AARS1: variants seen among roughly 807,000 people sequenced by gnomAD.
AARS1 encodes alanine--tRNA ligase, cytoplasmic.
In AARS1, 72 loss-of-function variants were observed where a neutral mutation model predicts 108.9. The ratio of observed to expected loss-of-function variants is 0.66; its 90% confidence interval spans 0.55 to 0.80. AARS1 has a LOEUF of 0.80. Ranked by LOEUF, AARS1 falls within the 30% of genes least tolerant of loss-of-function variation. AARS1 has a pLI of 0.00. For missense variants in AARS1, 1,193 were observed against 1,233.2 expected, an observed-to-expected ratio of 0.97 and a Z score of 0.49; for synonymous variants, 489 against 465.7, an observed-to-expected ratio of 1.05 and a Z score of -0.64.
chr16:70,277,467 C>A (rs187694818), intron 2 of AARS1, among the ~76,000 whole-genome samples: 1 of 152,240 alleles, frequency 6.6e-6, no homozygotes, highest in East Asian at 1.9e-4. Context: ...CTTCACCAGT[C>A]TCTGAAGTTC....
chr16:70,264,178 G>A lies in AARS1; in HGVS notation c.1492+780C>T, dbSNP rs551826135. ...GGAGAATCGCTTGAACCCAGGAGGT[G>A]GAGGTTGCAGTGAGCCGAGATCACA... On this transcript the variant is annotated intron_variant, in intron 11 of 20. Transcript: ENST00000261772. 2.7e-4 allele frequency among the ~76,000 whole-genome samples: 41 copies of A among 149,752 alleles called. 2 individuals are homozygous for A. In the South Asian group the frequency reaches 7.7e-3, roughly 28 times the overall value.
chr16:70,270,234 T>C lies in AARS1; in HGVS notation c.778A>G (p.Thr260Ala), dbSNP rs1165867512. The change falls in exon 6 of 21, where the codon ACT (threonine) becomes GCT (alanine). Residue 260 changes from threonine to alanine, a missense_variant. Coordinates refer to ENST00000261772, the MANE Select transcript of AARS1 (RefSeq NM_001605.3). ...TCAAAGTAAGGGACAAAAAGGTCAG[T>C]GTCATAGTTGGACATCTTATTCTGC... Reference protein sequence around the residue: ...VLQNKMSNYDTDLFVPYFEAI... With the variant: ...VLQNKMSNYDADLFVPYFEAI... 2 of 1,614,170 alleles carry C rather than the reference T, an allele frequency of 1.2e-6. No individual in the cohort carries two copies. Among genetic ancestry groups the C allele is most frequent in the East Asian group, 2.2e-5 (1 of 44,880 alleles).
chr16:70,279,521 G>A (rs1039613457), intron 2 of AARS1, among the ~76,000 whole-genome samples: 14 of 151,646 alleles, frequency 9.2e-5, no homozygotes, highest in Non-Finnish European at 1.9e-4. Flanking sequence ...TTAGCCAGGT[G>A]TGGTGGCAGA....
chr16:70,267,558 C>T, intron 9 of AARS1, 101 bp downstream of exon 9: 1 of 1,444,618 alleles, frequency 6.9e-7, no homozygotes, highest in East Asian at 2.3e-5. Context: ...TATGTTCAGC[C>T]TCAGAGACAT....
intron 12 of AARS1, 174 bp from the exon 13 acceptor site, chr16:70,261,331 CAT>C (rs1313241321): frequency 1.6e-5 from 8 of 505,264 alleles, no homozygotes; most frequent in Non-Finnish European, 1.5e-5. Context: ...TGCAGTGGCT[CAT>C]GACTGTAATC....
intron 10 of AARS1, 190 bp downstream of exon 10, chr16:70,265,348 T>C: frequency 9.5e-7 from 1 of 1,054,768 alleles, no homozygotes; most frequent in South Asian, 1.3e-5. Context: ...GTTGTGAAAA[T>C]CAAAAATGTC....
At chr16:70,272,165 G>T (rs1249221354) in intron 4 of AARS1, among the ~76,000 whole-genome samples, 193 bp from the exon 5 acceptor site, 1 of 152,028 alleles carries the variant, frequency 6.6e-6, no homozygotes, top group East Asian at 1.9e-4. Flanking sequence ...TTTTAATGAA[G>T]AAGTTCCAAC....
intron 16 of AARS1, 83 bp downstream of exon 16, chr16:70,255,645 G>C (rs1404318301): frequency 8.1e-7 from 1 of 1,229,138 alleles, no homozygotes; most frequent in Non-Finnish European, 1.2e-6. Context: ...CAGCCACGCA[G>C]AGCAGTGTTT....
chr16:70,269,314 C>T (rs1960336340), intron 7 of AARS1, among the ~76,000 whole-genome samples: 1 of 75,128 alleles, frequency 1.3e-5, no homozygotes, highest in Non-Finnish European at 2.3e-5. Flanking sequence ...AAGCAAAATT[C>T]TGTCTCAGAA....
chr16:70,289,156 G>A (rs1186547215), intron 1 of AARS1, among the ~76,000 whole-genome samples: 3 of 151,728 alleles, frequency 2.0e-5, no homozygotes, highest in East Asian at 2.0e-4. Flanking sequence ...CGCCCCTAGG[G>A]GATTAAAACC....
At chr16:70,286,449 C>A (rs186947634) in intron 1 of AARS1, among the ~76,000 whole-genome samples, 24 of 151,294 alleles carry the variant, frequency 1.6e-4, no homozygotes, top group Non-Finnish European at 2.7e-4. Context: ...ATCACTTGGC[C>A]TTCCAGGCTC....
intron 2 of AARS1, among the ~76,000 whole-genome samples, chr16:70,277,758 C>CTTTTTT (rs573677725): frequency 7.3e-6 from 1 of 137,822 alleles, no homozygotes. Flanking sequence ...CCACTAGACA[C>CTTTTTT]TTTTTTTTTT....
In AARS1 at chr16:70,258,076, C is replaced by T. The variant is rs1960034258; in HGVS notation, c.2134G>A (p.Gly712Arg). Reference protein sequence around the residue: ...PVSELLDDPSGPAGSLTSVEF... With the variant: ...PVSELLDDPSRPAGSLTSVEF... ...ACAGAAGTCAGGGAGCCAGCAGGCC[C>T]AGAGGGGTCATCCAGCAACTCGGAC... The change falls in exon 15 of 21, where the codon GGG becomes AGG. Residue 712 changes from glycine (G) to arginine (R), a missense_variant. Coordinates refer to ENST00000261772, the MANE Select transcript of AARS1 (RefSeq NM_001605.3). The T allele has an allele frequency of 6.2e-7, 1 of 1,614,154 alleles. No homozygotes were observed. Among genetic ancestry groups the T allele is most frequent in the East Asian group, 2.2e-5 (1 of 44,878 alleles).
chr16:70,281,376 T>G lies in AARS1; in HGVS notation c.144+1244A>C, dbSNP rs150360461. On this transcript the variant is annotated intron_variant, in intron 2 of 20. Coordinates refer to ENST00000261772, the MANE Select transcript of AARS1 (RefSeq NM_001605.3). Reference sequence around the variant, plus strand: ...ACCCCCATCTCTGCATATAAATAAATAAATTTAGGCCAGGCAAGGTGGCTC... The same window carrying G: ...ACCCCCATCTCTGCATATAAATAAAGAAATTTAGGCCAGGCAAGGTGGCTC... Among the ~76,000 whole-genome samples the G allele has an allele frequency of 8.4e-3, 1,276 of 152,030 alleles. 7 individuals are homozygous for G. Among genetic ancestry groups the G allele is most frequent in the Middle Eastern group, 0.014 (4 of 294 alleles).
At chr16:70,253,233 C>A in intron 20 of AARS1, 35 bp downstream of exon 20, 1 of 1,539,292 alleles carries the variant, frequency 6.5e-7, no homozygotes, top group Non-Finnish European at 9.0e-7. Flanking sequence ...AACCTTAAGA[C>A]CTAACACTTC....
chr16:70,267,556 G>A (rs754419530), intron 9 of AARS1, 103 bp downstream of exon 9: 8 of 1,411,372 alleles, frequency 5.7e-6, no homozygotes, highest in Non-Finnish European at 8.0e-6. Flanking sequence ...GCTATGTTCA[G>A]CCTCAGAGAC....
intron 4 of AARS1, among the ~76,000 whole-genome samples, chr16:70,273,863 CAAAAAAAAA>C (rs71385651): frequency 2.6e-4 from 14 of 54,264 alleles, no homozygotes; most frequent in Non-Finnish European, 3.8e-4. Context: ...ACTCCGTCTC[CAAAAAAAAA>C]AAAAAAAAAA....
At chr16:70,257,069 G>A (rs1045487016) in intron 15 of AARS1, among the ~76,000 whole-genome samples, 2 of 152,082 alleles carry the variant, frequency 1.3e-5, no homozygotes, top group African/African-American at 2.4e-5. Context: ...CTAACAGGGT[G>A]AAACCCCATC....
At chr16:70,284,166 C>T (rs1438087683) in intron 1 of AARS1, among the ~76,000 whole-genome samples, 1 of 151,750 alleles carries the variant, frequency 6.6e-6, no homozygotes, top group African/African-American at 2.4e-5. Context: ...ATTAGCCGGG[C>T]GTGGTGGCAG....
Sources: allele counts gnomAD v4.1 joint callset (sites outside exome capture counted in the v4.1 genomes callset), GRCh38; gene constraint gnomAD v4.1.1; transcripts MANE v1.5; gene names NCBI Gene and HGNC (gene_info 2026-07-23, HGNC 2026-07-21).